Variants in LNX2 observed in about 807,000 individuals in gnomAD.
LNX2 encodes the protein ligand of Numb protein X 2.
In LNX2, 35 loss-of-function variants were observed where a neutral mutation model predicts 66.2. The ratio of observed to expected loss-of-function variants is 0.53; its 90% CI spans 0.40 to 0.70. The LOEUF is 0.70. Ranked by LOEUF, LNX2 falls within the 30% of genes least tolerant of loss-of-function variation. LNX2 has a pLI of 0.00. For synonymous variants in LNX2, 337 were observed against 315.6 expected (o/e 1.07, Z -0.72); for missense variants, 791 against 850.8 (o/e 0.93, Z 0.87).
At chr13:27,565,829 G>A (rs763604660) in intron 4 of LNX2, among the ~76,000 whole-genome samples, 27 of 152,276 alleles carry the variant, frequency 1.8e-4, no homozygotes, top group Middle Eastern at 3.4e-3. Flanking sequence ...GCATACAAGC[G>A]GGAGTGGAAA....
intron 2 of LNX2, among the ~76,000 whole-genome samples, chr13:27,580,281 A>G (rs1176719844): frequency 6.6e-6 from 1 of 152,184 alleles, no homozygotes; most frequent in African/African-American, 2.4e-5. Context: ...TTTGTGACTC[A>G]GTCTCCTTAT....
rs1955359999 is a variant in LNX2, at chr13:27,578,117, CTCAAA to C, written c.407+3175_407+3179del. ...CTGTAGGAGAAAAATGTTTGCTCTT[CTCAAA>C]TCAAAACACATTTGTTAAGGGCAGG... On this transcript the variant is annotated intron_variant, in intron 2 of 9. Coordinates refer to ENST00000316334, the MANE Select transcript of LNX2 (RefSeq NM_153371.4). Among the ~76,000 whole-genome samples the C allele has an allele frequency of 2.0e-5, 3 of 152,120 alleles. 1 individual carries two copies. In the South Asian group the frequency reaches 6.2e-4, roughly 31 times the overall value.
intron 2 of LNX2, among the ~76,000 whole-genome samples, chr13:27,572,421 T>C (rs992940598): frequency 3.3e-5 from 5 of 152,174 alleles, no homozygotes; most frequent in African/African-American, 1.2e-4. Context: ...GCTGAGACCA[T>C]ACAGTGGAGC....
chr13:27,600,359 G>C (rs1451975130), intron 1 of LNX2, among the ~76,000 whole-genome samples: 1 of 152,116 alleles, frequency 6.6e-6, no homozygotes, highest in Non-Finnish European at 1.5e-5. Flanking sequence ...GACAACATGG[G>C]TACAGATATT....
intron 6 of LNX2, among the ~76,000 whole-genome samples, chr13:27,557,343 A>T (rs1955074762): frequency 6.6e-6 from 1 of 152,020 alleles, no homozygotes; most frequent in Non-Finnish European, 1.5e-5. Flanking sequence ...AATATAGGCA[A>T]CTGTCCTGGG....
intron 1 of LNX2, among the ~76,000 whole-genome samples, chr13:27,604,938 G>A (rs1026406900): frequency 3.3e-5 from 5 of 149,806 alleles, no homozygotes; most frequent in Non-Finnish European, 7.4e-5. Flanking sequence ...TGAAGAAAAC[G>A]ACATACAAAA....
intron 4 of LNX2, among the ~76,000 whole-genome samples, chr13:27,564,681 A>G (rs950752816): frequency 3.9e-5 from 6 of 152,178 alleles, no homozygotes; most frequent in African/African-American, 1.4e-4. Flanking sequence ...AAAGCCACAC[A>G]CTGCTTATGT....
intron 1 of LNX2, among the ~76,000 whole-genome samples, chr13:27,603,262 C>T (rs548972590): frequency 6.6e-6 from 1 of 152,156 alleles, no homozygotes; most frequent in African/African-American, 2.4e-5. Flanking sequence ...TCTTTAAAAT[C>T]TAATTCTCAT....
chr13:27,589,201 G>C (rs1269942977), intron 1 of LNX2, among the ~76,000 whole-genome samples: 1 of 152,150 alleles, frequency 6.6e-6, no homozygotes, highest in Admixed American at 6.5e-5. Context: ...GTCTTTCCCG[G>C]AATAAAGTTC....
rs577881547 is a variant in LNX2, at chr13:27,616,669, T to C, written c.-101+3706A>G. Among the ~76,000 whole-genome samples, 30 of 152,356 alleles carry C rather than the reference T, an allele frequency of 2.0e-4. 1 individual carries two copies. The South Asian group carries it at 2.5e-3, about 13-fold the overall frequency. On this transcript the variant is annotated intron_variant, in intron 1 of 9. Coordinates refer to ENST00000316334, the MANE Select transcript of LNX2 (RefSeq NM_153371.4). ...TCTAGGAAGCACACATTCTAAAGGA[T>C]AGAACCTACAACACCTGCTTCTTTA...
chr13:27,569,327 C>G, intron 2 of LNX2, 51 bp from the exon 3 acceptor site: 6 of 1,574,342 alleles, frequency 3.8e-6, no homozygotes, highest in Non-Finnish European at 5.2e-6. Flanking sequence ...AACAAACAAA[C>G]AAATAAAATA....
chr13:27,581,377 T>C lies in LNX2; in HGVS notation c.327A>G (p.Lys109=). The C allele has an allele frequency of 6.3e-7, 1 of 1,581,026 alleles. No homozygotes were observed. The highest frequency in any genetic ancestry group is 8.6e-7 in the Non-Finnish European group (1 of 1,159,376). ...SSILVHKLLD[K]LLVLCPFSSV... is the part of the protein sequence containing the mutation. ...AAGAAAATGGACATAAAACTAATAA[T>C]TTGTCTAGGAGTTTATGAACTAGAA... The change falls in exon 2 of 10, where the codon AAA becomes AAG. Residue 109 remains lysine (K), a synonymous_variant. Coordinates refer to ENST00000316334, the MANE Select transcript of LNX2 (RefSeq NM_153371.4).
chr13:27,568,571 T>TA (rs573812335), intron 3 of LNX2, among the ~76,000 whole-genome samples: 39 of 147,882 alleles, frequency 2.6e-4, no homozygotes, highest in South Asian at 2.6e-3. Flanking sequence ...TTTTCTTGTT[T>TA]AAAAAAAAAA....
chr13:27,574,335 T>C (rs1295294345), intron 2 of LNX2, among the ~76,000 whole-genome samples: 1 of 152,054 alleles, frequency 6.6e-6, no homozygotes, highest in Non-Finnish European at 1.5e-5. Context: ...TCTCAGCTAC[T>C]TGGGAGGCAG....
chr13:27,599,316 T>C (rs78038355), intron 1 of LNX2, among the ~76,000 whole-genome samples: 6,696 of 152,228 alleles, frequency 0.044, 209 homozygotes, highest in Non-Finnish European at 0.067. Context: ...GGCTTTAACA[T>C]ACAGATACCA....
rs1375594819 is a variant in LNX2, at chr13:27,559,831, A to G, written c.1368+11T>C. 4 of 1,500,866 alleles carry G rather than the reference A, an allele frequency of 2.7e-6. No homozygotes were observed. The African/African-American group carries it at 5.7e-5, about 21-fold the overall frequency. The allele number at this position is 1,500,866 out of a possible 1,614,324, so 93.0% of individuals were successfully genotyped here. ...TTTGATGGTGGCATAAAAAAAAAAA[A>G]AAATCCTCACCTTATGTGAGCTTGG... On this transcript the variant is annotated intron_variant, in intron 6 of 9. Transcript: ENST00000316334.
intron 1 of LNX2, among the ~76,000 whole-genome samples, chr13:27,591,194 C>T (rs1281293107): frequency 2.6e-5 from 4 of 152,108 alleles, no homozygotes; most frequent in Non-Finnish European, 5.9e-5. Flanking sequence ...ACAATGTCTT[C>T]TAATTTACTT....
chr13:27,588,363 C>A (rs1227281129), intron 1 of LNX2, among the ~76,000 whole-genome samples: 1 of 152,190 alleles, frequency 6.6e-6, no homozygotes, highest in Non-Finnish European at 1.5e-5. Context: ...CTATTAACCT[C>A]TATGAACAAC....
chr13:27,560,565 G>GTGTGTATGTGTGTATATATATA (rs35007288), intron 5 of LNX2, among the ~76,000 whole-genome samples: 18 of 120,014 alleles, frequency 1.5e-4, no homozygotes, highest in Middle Eastern at 4.8e-3. Context: ...ATGTATGTGT[G>GTGTGTATGTGTGTATATATATA]TATATATATA....
Sources: gnomAD v4.1 joint callset for allele counts (sites outside exome capture counted in the v4.1 genomes callset) on GRCh38, gnomAD v4.1.1 for gene constraint, MANE v1.5 for transcripts, NCBI Gene and HGNC (gene_info 2026-07-23, HGNC 2026-07-21) for gene names.